The following USP24 variants were observed in gnomAD, a reference collection of about 807,000 sequenced individuals.
USP24 encodes ubiquitin specific peptidase 24, also known as ubiquitin carboxyl-terminal hydrolase 24.
Under a neutral mutation model 361.6 loss-of-function variants are expected in USP24, and 97 were observed. The observed-to-expected ratio is 0.27, with a 90% CI of 0.23 to 0.32. USP24 has a LOEUF of 0.32. USP24 is among the 10% of genes least tolerant of loss of function. The probability of loss-of-function intolerance (pLI) is 1.00; values close to 1 mark genes in which losing one functional copy is unlikely to be tolerated. For missense variants in USP24, 2,353 were observed against 3,165.6 expected (o/e 0.74, Z 6.16); for synonymous variants, 1,098 against 1,124.6 (o/e 0.98, Z 0.47).
intron 4 of USP24, among the ~76,000 whole-genome samples, chr1:55,172,100 T>A (rs957351781): frequency 1.6e-4 from 25 of 152,080 alleles, no homozygotes; most frequent in African/African-American, 6.0e-4. Flanking sequence ...GAACACTCCA[T>A]ATGAAAGTAT....
Position 55,123,575 on chromosome 1 carries a change from C to A in USP24, c.4148G>T (p.Gly1383Val). 1 of 1,597,402 alleles carries A rather than the reference C, an allele frequency of 6.3e-7. No individual in the cohort carries two copies. ...SGSNCSSGSE[G>V]EPVALHAGIC... ...TCCCGCATGCAGGGCTACTGGTTCT[C>A]CTTCACTTCCAGAGCTGCAATTGCT... Residue 1383 changes from glycine to valine, a missense_variant, in exon 36 of 68, where the codon GGA becomes GTA. Around this residue, in one of 8 missense-constraint regions of USP24, gnomAD observed 949 missense variants for 1,280.5 expected, o/e 0.74. Transcript: ENST00000294383.
Position 55,077,328 on chromosome 1 carries a change from C to T in USP24, c.7315-28G>A, listed in dbSNP as rs779391881. 4.2e-6 allele frequency: 6 copies of T among 1,444,772 alleles called. No homozygotes were observed. The South Asian group carries it at 5.0e-5, about 12-fold the overall frequency. The allele number at this position is 1,444,772 out of a possible 1,614,324, so 89.5% of individuals were successfully genotyped here. A position where few individuals can be genotyped will look rare whatever the true frequency, so the allele number is the denominator to read the frequency against. Reference sequence around the variant, plus strand: ...GAAATATTTTTTAAAAGCATAAAAACTTCAGTGGAAAGCATATTGGAATGG... The same window carrying T: ...GAAATATTTTTTAAAAGCATAAAAATTTCAGTGGAAAGCATATTGGAATGG... On this transcript the variant is annotated intron_variant, in intron 61 of 67. Coordinates refer to ENST00000294383, the MANE Select transcript of USP24 (RefSeq NM_015306.3).
chr1:55,205,864 A>G (rs1557709310), intron 1 of USP24, among the ~76,000 whole-genome samples: 1 of 152,200 alleles, frequency 6.6e-6, no homozygotes, highest in Non-Finnish European at 1.5e-5. Context: ...CTTATTTTCA[A>G]AATTAAGTAT....
chr1:55,096,699 A>G (rs973360367), intron 49 of USP24, 77 bp from the exon 50 acceptor site: 1 of 1,516,262 alleles, frequency 6.6e-7, no homozygotes, highest in Non-Finnish European at 8.9e-7. Flanking sequence ...ATCTCAATGT[A>G]TTGTCTACAA....
intron 32 of USP24, 98 bp from the exon 33 acceptor site, chr1:55,125,856 T>G (rs1298971270): frequency 1.3e-5 from 13 of 973,728 alleles, no homozygotes; most frequent in Non-Finnish European, 7.6e-6. Flanking sequence ...ATCAATTACT[T>G]AGTTTCTACA....
At chr1:55,096,178 A>G (rs1407987766) in intron 50 of USP24, among the ~76,000 whole-genome samples, 1 of 152,226 alleles carries the variant, frequency 6.6e-6, no homozygotes, top group African/African-American at 2.4e-5. Context: ...ATGGATAACT[A>G]CTTCCAAAAC....
rs1645522437 is a variant in USP24, at chr1:55,097,476, T to A, written c.5715+122A>T. The A allele has an allele frequency of 2.9e-5, 41 of 1,401,650 alleles. No homozygotes were observed. The South Asian group carries it at 6.2e-4, about 21-fold the overall frequency. The allele number at this position is 1,401,650 out of a possible 1,614,324, so 86.8% of individuals were successfully genotyped here. A position where few individuals can be genotyped will look rare whatever the true frequency, so the allele number is the denominator to read the frequency against. On this transcript the variant is annotated intron_variant, in intron 48 of 67. Transcript: ENST00000294383. ...GCAGCTGCCTAAGATAAGGGGCTCT[T>A]CATAATGCTGAGACAACAGCCTTAA...
chr1:55,198,701 T>A (rs1644483077), intron 1 of USP24, among the ~76,000 whole-genome samples: 1 of 152,196 alleles, frequency 6.6e-6, no homozygotes, highest in African/African-American at 2.4e-5. Context: ...ATCTATAAAA[T>A]GAAAATATTT....
chr1:55,115,142 C>CA (rs2100569918), intron 38 of USP24, among the ~76,000 whole-genome samples: 1 of 152,242 alleles, frequency 6.6e-6, no homozygotes, highest in Non-Finnish European at 1.5e-5. Context: ...AAAAAAAGCT[C>CA]ATGATCACTG....
rs1449509924 is a variant in USP24, at chr1:55,072,063, AC to A, written c.7690-140del. The A allele has an allele frequency of 9.7e-5, 76 of 783,154 alleles. 1 individual carries two copies. Among genetic ancestry groups the A allele is most frequent in the Middle Eastern group, 6.2e-4 (2 of 3,232 alleles). The allele number at this position is 783,154 out of a possible 1,614,324, so 48.5% of individuals were successfully genotyped here. On this transcript the variant is annotated intron_variant, in intron 66 of 67. Coordinates refer to ENST00000294383, the MANE Select transcript of USP24 (RefSeq NM_015306.3). ...TGAGGCCTTCATCACAGTCACCAGA[AC>A]CCCCTCAACCCCTGTCCCTTTTTGT...
intron 45 of USP24, among the ~76,000 whole-genome samples, 193 bp from the exon 46 acceptor site, chr1:55,098,751 G>A (rs928599464): frequency 1.3e-5 from 2 of 152,200 alleles, no homozygotes; most frequent in African/African-American, 4.8e-5. Context: ...AAGAGGAAGA[G>A]GAGGAGGGAT....
rs191149870 is a variant in USP24, at chr1:55,129,583, C to T, written c.3538-9G>A. Reference sequence around the variant, plus strand: ...AGTTTGGAGCTTAGAACCTAGGGAACAGATAAGCACAATTATTCATCCACA... The same window carrying T: ...AGTTTGGAGCTTAGAACCTAGGGAATAGATAAGCACAATTATTCATCCACA... On this transcript the variant is annotated splice_polypyrimidine_tract_variant and intron_variant, in intron 31 of 67. Transcript: ENST00000294383. 21 of 1,608,588 alleles carry T rather than the reference C, an allele frequency of 1.3e-5. No individual in the cohort carries two copies. The Admixed American group carries it at 2.0e-4, about 15-fold the overall frequency.
intron 53 of USP24, 61 bp downstream of exon 53, chr1:55,092,760 T>C: frequency 6.5e-6 from 8 of 1,236,824 alleles, no homozygotes. Flanking sequence ...CTGAATGCTT[T>C]AGCTAAAGCA....
rs1022615804 is a variant in USP24, at chr1:55,166,250, T to C, written c.862-300A>G. Among the ~76,000 whole-genome samples the C allele has an allele frequency of 2.6e-5, 4 of 151,668 alleles. No homozygotes were observed. The East Asian group carries it at 7.7e-4, about 29-fold the overall frequency. ...CACATATTAATTTTAAAATATTATA[T>C]ATTAATAATTTAAGCAAGGAACTAA... On this transcript the variant is annotated intron_variant, in intron 6 of 67. Coordinates refer to ENST00000294383, the MANE Select transcript of USP24 (RefSeq NM_015306.3).
intron 1 of USP24, among the ~76,000 whole-genome samples, chr1:55,202,391 G>T (rs1035888306): frequency 6.6e-6 from 1 of 151,542 alleles, no homozygotes; most frequent in Admixed American, 6.6e-5. Flanking sequence ...CAAGCGATTT[G>T]TATACCGACT....
intron 1 of USP24, among the ~76,000 whole-genome samples, chr1:55,190,031 G>A (rs2100871492): frequency 6.6e-6 from 1 of 151,958 alleles, no homozygotes; most frequent in South Asian, 2.1e-4. Context: ...TGGGGATGGT[G>A]GAAGGCACCT....
chr1:55,096,514 T>C lies in USP24; in HGVS notation c.6045A>G (p.Pro2015=), dbSNP rs1171837821. 1.3e-6 allele frequency: 2 copies of C among 1,587,456 alleles called. No homozygotes were observed. The highest frequency in any genetic ancestry group is 1.2e-5 in the South Asian group (1 of 83,758). ...AATACTTACTTTGATCATAAACTTT[T>C]GGTCTATATTCTCCTCCAAAGCATT... ...EYECFGGEYR[P]KVYDQTNPYT... Residue 2015 remains proline, a synonymous_variant, in exon 50 of 68, where the codon CCA becomes CCG. Transcript: ENST00000294383.
At chr1:55,122,437 T>C (rs1434126538) in intron 36 of USP24, among the ~76,000 whole-genome samples, 1 of 152,122 alleles carries the variant, frequency 6.6e-6, no homozygotes, top group Non-Finnish European at 1.5e-5. Flanking sequence ...TTGTAAAGAT[T>C]TGGCTTTTGC....
intron 67 of USP24, among the ~76,000 whole-genome samples, chr1:55,070,497 G>A (rs904050135): frequency 4.6e-5 from 7 of 152,218 alleles, no homozygotes; most frequent in South Asian, 4.1e-4. Context: ...AGATGCTGCC[G>A]AGCAGTCGGC....
Sources: gnomAD v4.1 joint callset for allele counts (sites outside exome capture counted in the v4.1 genomes callset) on GRCh38, gnomAD v4.1.1 for gene constraint, gnomAD v4.1.1 regional missense constraint, MANE v1.5 for transcripts, NCBI Gene and HGNC (gene_info 2026-07-23, HGNC 2026-07-21) for gene names.